NCKAP5: variants seen among roughly 807,000 people sequenced by gnomAD.
The protein encoded by NCKAP5 is NCK associated protein 5.
A neutral mutation model predicts 167.0 loss-of-function variants in NCKAP5; 92 were observed. The ratio of observed to expected loss-of-function variants is 0.55; its 90% CI spans 0.47 to 0.66. NCKAP5 has a LOEUF of 0.66. NCKAP5 is among the 30% of genes least tolerant of loss of function. The probability of loss-of-function intolerance (pLI) is 0.00; values close to 1 mark genes in which losing one functional copy is unlikely to be tolerated. For missense variants in NCKAP5, 2,378 were observed against 2,315.0 expected (o/e 1.03, Z -0.56); for synonymous variants, 891 against 877.4 (o/e 1.02, Z -0.27).
At chr2:133,478,338 A>G (rs1360786108) in intron 3 of NCKAP5, among the ~76,000 whole-genome samples, 1 of 152,162 alleles carries the variant, frequency 6.6e-6, no homozygotes, top group Non-Finnish European at 1.5e-5. Context: ...TTGATAATGA[A>G]CTTCTTAAGG....
chr2:133,573,345 T>A (rs1688933471), upstream of NCKAP5, among the ~76,000 whole-genome samples: 1 of 152,170 alleles, frequency 6.6e-6, no homozygotes, highest in Non-Finnish European at 1.5e-5. Flanking sequence ...TGCCTCCTGG[T>A]CCCCTCAACA....
intron 1 of NCKAP5, among the ~76,000 whole-genome samples, chr2:133,563,654 T>C (rs1383899729): frequency 6.7e-6 from 1 of 149,946 alleles, no homozygotes; most frequent in Non-Finnish European, 1.5e-5. Context: ...GCATAGGCGT[T>C]AGACACTTTG....
rs892593378 is a variant in NCKAP5, at chr2:133,516,494, T to A, written c.69+964A>T. ...TTGACATAAATGCTTAACACAATCC[T>A]CTTCTCAAGTCCCAGAAACTCACAT... On this transcript the variant is annotated intron_variant, in intron 3 of 19. Transcript: ENST00000409261. Among the ~76,000 whole-genome samples the A allele has an allele frequency of 2.0e-5, 3 of 152,258 alleles. No homozygotes were observed. The East Asian group carries it at 5.8e-4, about 29-fold the overall frequency.
intron 19 of NCKAP5, among the ~76,000 whole-genome samples, chr2:132,705,342 C>G (rs963673894): frequency 6.6e-6 from 1 of 152,094 alleles, no homozygotes; most frequent in South Asian, 2.1e-4. Context: ...TTTATATATA[C>G]TTACCATCTC....
chr2:133,517,690 A>G, intron 2 of NCKAP5, 103 bp from the exon 3 acceptor site: 1 of 417,244 alleles, frequency 2.4e-6, no homozygotes, highest in East Asian at 3.5e-5. Flanking sequence ...AAAAATACCC[A>G]GTCCCAAATA....
At chr2:132,807,865 C>A (rs1685555848) in intron 11 of NCKAP5, among the ~76,000 whole-genome samples, 1 of 151,986 alleles carries the variant, frequency 6.6e-6, no homozygotes, top group Non-Finnish European at 1.5e-5. Flanking sequence ...CAACTTTTCC[C>A]CATTTAGTAT....
chr2:133,330,398 T>G (rs1411339044), intron 3 of NCKAP5, among the ~76,000 whole-genome samples: 3 of 138,108 alleles, frequency 2.2e-5, no homozygotes, highest in African/African-American at 5.8e-5. Context: ...ATTGTTTTTG[T>G]TTTTTTTTTT....
At chr2:132,676,147 T>C (rs1288558638) in intron 19 of NCKAP5, among the ~76,000 whole-genome samples, 1 of 152,176 alleles carries the variant, frequency 6.6e-6, no homozygotes, top group Admixed American at 6.5e-5. Flanking sequence ...TCTAGATCAA[T>C]ATTTGCTTAT....
chr2:133,563,494 G>A (rs1416170267), intron 1 of NCKAP5, among the ~76,000 whole-genome samples: 5 of 139,468 alleles, frequency 3.6e-5, no homozygotes, highest in African/African-American at 1.1e-4. Context: ...GCTTGAACCA[G>A]GGAGTCAGAG....
intron 8 of NCKAP5, among the ~76,000 whole-genome samples, chr2:132,950,688 C>G (rs1056191979): frequency 6.6e-6 from 1 of 152,148 alleles, no homozygotes; most frequent in Non-Finnish European, 1.5e-5. Flanking sequence ...ATCATACGAA[C>G]TTAGAAACAC....
At chr2:133,120,228 G>A (rs755795799) in intron 6 of NCKAP5, among the ~76,000 whole-genome samples, 2 of 152,164 alleles carry the variant, frequency 1.3e-5, no homozygotes, top group African/African-American at 2.4e-5. Context: ...GAACCCCATA[G>A]CTTCAGCATA....
intron 5 of NCKAP5, among the ~76,000 whole-genome samples, chr2:133,213,250 C>G (rs1048507533): frequency 2.0e-5 from 3 of 152,054 alleles, no homozygotes; most frequent in African/African-American, 7.2e-5. Flanking sequence ...ATGGCACAAG[C>G]TGAAAAGGAC....
the NCKAP5 span, among the ~76,000 whole-genome samples, chr2:133,593,821 G>C: frequency 6.6e-6 from 1 of 152,186 alleles, no homozygotes; most frequent in South Asian, 2.1e-4. Flanking sequence ...CTTTCAGGAT[G>C]ATGTGAGAAT....
At chr2:132,917,711 C>G (rs1203015393) in intron 8 of NCKAP5, among the ~76,000 whole-genome samples, 1 of 152,140 alleles carries the variant, frequency 6.6e-6, no homozygotes, top group Non-Finnish European at 1.5e-5. Flanking sequence ...CTTAAACATC[C>G]AGCTCCCATG....
intron 19 of NCKAP5, chr2:132,714,904 G>A: frequency 2.2e-6 from 1 of 456,206 alleles, no homozygotes; most frequent in Non-Finnish European, 4.4e-6. Flanking sequence ...AACATACCCA[G>A]CCAAAGGGCT....
In NCKAP5 at chr2:132,914,553, A is replaced by AG. The variant is rs1694714875; in HGVS notation, c.580-35638_580-35637insC. ...CATGGACTAATACTACCTTTAAAAT[A>AG]CAACTGCAATATAGACTCTCTGAAA... On this transcript the variant is annotated intron_variant, in intron 8 of 19. Transcript: ENST00000409261. Among the ~76,000 whole-genome samples the AG allele has an allele frequency of 2.0e-5, 3 of 152,122 alleles. No homozygotes were observed. The South Asian group carries it at 6.2e-4, about 32-fold the overall frequency.
At chr2:132,679,082 AC>A (rs1448586613) in intron 19 of NCKAP5, among the ~76,000 whole-genome samples, 1 of 152,200 alleles carries the variant, frequency 6.6e-6, no homozygotes, top group Non-Finnish European at 1.5e-5. Flanking sequence ...AAAAAGGCTG[AC>A]GGGAGGCCAA....
intron 6 of NCKAP5, among the ~76,000 whole-genome samples, chr2:133,039,139 G>A (rs1441771428): frequency 1.3e-5 from 2 of 152,154 alleles, no homozygotes; most frequent in Non-Finnish European, 2.9e-5. Flanking sequence ...TCCTATTTAC[G>A]AGGGCCAGAG....
chr2:133,668,421 T>G, the NCKAP5 span, among the ~76,000 whole-genome samples: 1 of 152,108 alleles, frequency 6.6e-6, no homozygotes, highest in South Asian at 2.1e-4. Flanking sequence ...ATATGAAGGT[T>G]CTAATTTCTT....
Sources: gnomAD v4.1 joint callset for allele counts (sites outside exome capture counted in the v4.1 genomes callset) on GRCh38, gnomAD v4.1.1 for gene constraint, MANE v1.5 for transcripts, NCBI Gene and HGNC (gene_info 2026-07-23, HGNC 2026-07-21) for gene names.